MYB: variants seen among roughly 807,000 people sequenced by gnomAD.
MYB encodes the protein transcriptional activator Myb.
A neutral mutation model predicts 92.9 loss-of-function variants in MYB; 28 were observed. That is an observed-to-expected ratio of 0.30 (90% CI 0.22 to 0.41). The LOEUF is 0.41. MYB is among the 10% of genes least tolerant of loss of function. The pLI is 1.00. For missense variants in MYB, 679 were observed against 929.3 expected (o/e 0.73, Z 3.50); for synonymous variants, 295 against 329.1 (o/e 0.90, Z 1.12).
Position 135,218,099 on chromosome 6 carries a change from C to CAAA in MYB, c.*120_*121insAAA. ...AGAACCTATTTTTGTTGTGGTACAACAGTTGAGAGCAGCACCAAGTGCATT... is the reference window on the plus strand; with the variant it reads ...AGAACCTATTTTTGTTGTGGTACAACAAAAGTTGAGAGCAGCACCAAGTGCATT... On this transcript the variant is annotated 3_prime_UTR_variant, in exon 16 of 16. Transcript: ENST00000341911. The CAAA allele has an allele frequency of 8.0e-6, 6 of 749,786 alleles. No homozygotes were observed. The highest frequency in any genetic ancestry group is 1.2e-5 in the Non-Finnish European group (5 of 432,324). 46.4% of individuals were successfully genotyped at this position (749,786 alleles called of 1,614,324 possible). A position where few individuals can be genotyped will look rare whatever the true frequency, so the allele number is the denominator to read the frequency against.
At chr6:135,203,016 G>A (rs1456963776) in intron 14 of MYB, 8 of 702,728 alleles carry the variant, frequency 1.1e-5, no homozygotes, top group Non-Finnish European at 2.1e-5. Context: ...TTGTGGTGAT[G>A]TTTGCCACAA....
chr6:135,189,278 G>T (rs369052069), intron 3 of MYB, among the ~76,000 whole-genome samples: 11 of 152,268 alleles, frequency 7.2e-5, no homozygotes, highest in Admixed American at 3.9e-4. Context: ...TCATCTACTT[G>T]TCTTTTCCTT....
intron 15 of MYB, among the ~76,000 whole-genome samples, chr6:135,213,003 C>T (rs185765693): frequency 2.6e-5 from 4 of 152,256 alleles, no homozygotes; most frequent in East Asian, 3.9e-4. Flanking sequence ...TTGACTTTCA[C>T]GACATAGGCA....
intron 6 of MYB, among the ~76,000 whole-genome samples, chr6:135,193,343 GTT>G (rs1776874634): frequency 6.6e-6 from 1 of 152,152 alleles, no homozygotes; most frequent in African/African-American, 2.4e-5. Flanking sequence ...TTCATAAATA[GTT>G]TTTATTCTTC....
chr6:135,201,033 C>T (rs1224717971), intron 13 of MYB, among the ~76,000 whole-genome samples: 2 of 151,990 alleles, frequency 1.3e-5, no homozygotes, highest in African/African-American at 4.8e-5. Context: ...GAGCCAAGAT[C>T]GTACCACTGC....
intron 15 of MYB, among the ~76,000 whole-genome samples, chr6:135,207,011 A>AT (rs1335844198): frequency 2.0e-5 from 3 of 152,134 alleles, no homozygotes; most frequent in African/African-American, 2.4e-5. Flanking sequence ...ATTTCTATAG[A>AT]TTTTTTATGC....
chr6:135,201,619 C>T lies in MYB; in HGVS notation c.1951-20C>T. ...ATAGGAAGTTCTAGAAACAACAAAGCACTTTCTATATGCTTTTAGGTGGAA... is the reference window on the plus strand; with the variant it reads ...ATAGGAAGTTCTAGAAACAACAAAGTACTTTCTATATGCTTTTAGGTGGAA... On this transcript the variant is annotated intron_variant, in intron 13 of 15. Coordinates refer to ENST00000341911, the MANE Select transcript of MYB (RefSeq NM_001130173.2). 6.5e-7 allele frequency: 1 copy of T among 1,549,836 alleles called. No homozygotes were observed. Among genetic ancestry groups the T allele is most frequent in the Non-Finnish European group, 8.9e-7 (1 of 1,124,704 alleles).
chr6:135,199,031 A>G lies in MYB; in HGVS notation c.1690A>G (p.Thr564Ala). Residue 564 changes from threonine (T) to alanine (A), a missense_variant, in exon 11 of 16, where the codon ACT becomes GCT. Thr to Ala is a moderately conservative substitution (Grantham distance 58). Around this residue, in one of 8 missense-constraint regions of MYB, gnomAD observed 402 missense variants for 434.2 expected, o/e 0.93. Transcript: ENST00000341911. ...ATTTCATAGAGACCAGACTGTGAAAACTCAAAAGGAAAATACTGTGTAAGT... is the reference window on the plus strand; with the variant it reads ...ATTTCATAGAGACCAGACTGTGAAAGCTCAAAAGGAAAATACTGTGTAAGT... ...TPFHRDQTVKTQKENTVFRTP... is the reference protein window; with the variant it reads ...TPFHRDQTVKAQKENTVFRTP... 6.2e-7 allele frequency: 1 copy of G among 1,604,322 alleles called. No individual in the cohort carries two copies. The highest frequency in any genetic ancestry group is 8.5e-7 in the Non-Finnish European group (1 of 1,176,026).
Position 135,184,317 on chromosome 6 carries a change from T to C in MYB, c.24-1586T>C, listed in dbSNP as rs534470509. Among the ~76,000 whole-genome samples the C allele has an allele frequency of 1.5e-4, 22 of 149,094 alleles. No individual in the cohort carries two copies. In the East Asian group the frequency reaches 3.3e-3, roughly 23 times the overall value. ...GATGCAGACTTACACCTCTGGGCTT[T>C]ATAGCTTTTTTTTTTTTTTTTTTTT... On this transcript the variant is annotated intron_variant, in intron 1 of 15. Coordinates refer to ENST00000341911, the MANE Select transcript of MYB (RefSeq NM_001130173.2).
At chr6:135,191,266 A>G (rs17064281) in intron 5 of MYB, among the ~76,000 whole-genome samples, 5,145 of 152,328 alleles carry the variant, frequency 0.034, 242 homozygotes, top group African/African-American at 0.1. Flanking sequence ...AGGGATAACT[A>G]TGGAAGCTCA....
At chr6:135,203,738 T>C in intron 15 of MYB, 1 of 1,365,934 alleles carries the variant, frequency 7.3e-7, no homozygotes, top group Non-Finnish European at 9.6e-7. Context: ...CAGAGACTGT[T>C]CCAATTTTAA....
At chr6:135,211,023 G>C (rs1320936602) in intron 15 of MYB, among the ~76,000 whole-genome samples, 1 of 151,964 alleles carries the variant, frequency 6.6e-6, no homozygotes, top group Non-Finnish European at 1.5e-5. Flanking sequence ...AGAGAGAGCT[G>C]ATTCAACTGA....
chr6:135,185,817 TGAG>T (rs1775836018), intron 1 of MYB, 83 bp from the exon 2 acceptor site: 10 of 1,037,502 alleles, frequency 9.6e-6, no homozygotes, highest in Non-Finnish European at 1.5e-5. Context: ...AAAAGATTGT[TGAG>T]GAGTTTTGTG....
At position 135,200,093 on chromosome 6, in the gene MYB, C is replaced by T; in HGVS notation, c.1718C>T (p.Thr573Ile). 6.2e-7 allele frequency: 1 copy of T among 1,613,430 alleles called. No homozygotes were observed. Among genetic ancestry groups the T allele is most frequent in the Non-Finnish European group, 8.5e-7 (1 of 1,179,412 alleles). ...TTGTTTTCTTTTTAAAGTTTTAGAA[C>T]CCCAGCTATCAAAAGGTCAATCTTA... ...KTQKENTVFRTPAIKRSILES... is the reference protein window; with the variant it reads ...KTQKENTVFRIPAIKRSILES... The change falls in exon 12 of 16, where the codon ACC becomes ATC. Residue 573 changes from threonine (T) to isoleucine (I), a missense_variant. Coordinates refer to ENST00000341911, the MANE Select transcript of MYB (RefSeq NM_001130173.2).
intron 15 of MYB, among the ~76,000 whole-genome samples, chr6:135,211,012 AAG>A (rs1779631402): frequency 6.6e-6 from 1 of 151,902 alleles, no homozygotes; most frequent in South Asian, 2.1e-4. Flanking sequence ...GGGTCACCAA[AAG>A]AGAGAGCTGA....
intron 15 of MYB, among the ~76,000 whole-genome samples, chr6:135,212,049 G>A (rs979063918): frequency 6.6e-6 from 1 of 151,946 alleles, no homozygotes; most frequent in African/African-American, 2.4e-5. Context: ...CCTTTGGGAA[G>A]GAATTCTCAT....
intron 7 of MYB, 66 bp from the exon 8 acceptor site, chr6:135,194,288 CTA>C: frequency 8.3e-7 from 1 of 1,209,364 alleles, no homozygotes. Flanking sequence ...ACCATATTGG[CTA>C]CACCCATTGT....
At position 135,186,095 on chromosome 6, in the gene MYB, C is replaced by T. The variant is rs140364707; in HGVS notation, c.141+75C>T. The T allele has an allele frequency of 1.1e-4, 135 of 1,245,516 alleles. No individual in the cohort carries two copies. In the East Asian group the frequency reaches 2.8e-3, roughly 26 times the overall value. The allele number at this position is 1,245,516 out of a possible 1,614,324, so 77.2% of individuals were successfully genotyped here. ...TATAAAAAACAAAATTTCAACTAAA[C>T]TACAGGTGCTCAAGCTCATTAGCAG... On this transcript the variant is annotated intron_variant, in intron 2 of 15. Transcript: ENST00000341911.
In MYB at chr6:135,196,135, C is replaced by T. The variant is rs539012428; in HGVS notation, c.1203+133C>T. The T allele has an allele frequency of 9.4e-5, 88 of 933,800 alleles. No individual in the cohort carries two copies. In the South Asian group the frequency reaches 1.3e-3, roughly 14 times the overall value. The allele number at this position is 933,800 out of a possible 1,614,324, so 57.8% of individuals were successfully genotyped here. On this transcript the variant is annotated intron_variant, in intron 9 of 15. Coordinates refer to ENST00000341911, the MANE Select transcript of MYB (RefSeq NM_001130173.2). ...AATGTAAAGGTAGAAGTATGATTTT[C>T]ATCTTCATGAATATGTTTTTTCAAA... is the stretch of plus-strand genomic sequence containing the variant.
Sources: gnomAD v4.1 joint callset for allele counts (sites outside exome capture counted in the v4.1 genomes callset) on GRCh38, gnomAD v4.1.1 for gene constraint, gnomAD v4.1.1 regional missense constraint, MANE v1.5 for transcripts, NCBI Gene and HGNC (gene_info 2026-07-23, HGNC 2026-07-21) for gene names.